Variants in ARHGAP15 observed in about 807,000 individuals in gnomAD.
ARHGAP15 encodes rho GTPase-activating protein 15.
ARHGAP15 carries 51 observed loss-of-function variants against 63.7 expected under a neutral mutation model. That is an observed-to-expected ratio of 0.80 (90% CI 0.64 to 1.01). The LOEUF is 1.01. ARHGAP15 is among the 50% of genes least tolerant of loss of function. The probability of loss-of-function intolerance (pLI) is 0.00; values close to 1 mark genes in which losing one functional copy is unlikely to be tolerated. For missense variants in ARHGAP15, 560 were observed against 564.6 expected, an observed-to-expected ratio of 0.99 and a Z score of 0.08; for synonymous variants, 191 against 193.8, an observed-to-expected ratio of 0.99 and a Z score of 0.12.
At chr2:143,526,537 A>T (rs1310562492) in intron 10 of ARHGAP15, among the ~76,000 whole-genome samples, 2 of 152,164 alleles carry the variant, frequency 1.3e-5, no homozygotes, top group Non-Finnish European at 2.9e-5. Context: ...ACTTACCAAG[A>T]TGCAATACTC....
At chr2:143,288,622 CT>C (rs35206838) in intron 6 of ARHGAP15, among the ~76,000 whole-genome samples, 69,779 of 144,850 alleles carry the variant, frequency 0.48, 16,174 homozygotes, top group Admixed American at 0.56. Flanking sequence ...CCTCGGGACA[CT>C]TTTTTTTTTT....
chr2:143,716,704 C>T lies in ARHGAP15; in HGVS notation c.1244+13180C>T, dbSNP rs1684827480. On this transcript the variant is annotated intron_variant, in intron 13 of 13. Transcript: ENST00000295095. ...CTCAAGTCACCTGATTTCCAGTCCACTAAACCACACTCTGCTTTCTTGCCA... is the reference window on the plus strand; with the variant it reads ...CTCAAGTCACCTGATTTCCAGTCCATTAAACCACACTCTGCTTTCTTGCCA... Among the ~76,000 whole-genome samples, 5 of 152,202 alleles carry T rather than the reference C, an allele frequency of 3.3e-5. No homozygotes were observed. In the South Asian group the frequency reaches 1.0e-3, roughly 31 times the overall value.
At chr2:143,140,134 G>T (rs1235734389) in intron 1 of ARHGAP15, among the ~76,000 whole-genome samples, 1 of 151,980 alleles carries the variant, frequency 6.6e-6, no homozygotes, top group African/African-American at 2.4e-5. Context: ...GATAATTTTG[G>T]TTTATTTCAA....
At chr2:143,452,751 T>C (rs2105137359) in intron 8 of ARHGAP15, among the ~76,000 whole-genome samples, 1 of 150,422 alleles carries the variant, frequency 6.6e-6, no homozygotes, top group East Asian at 2.0e-4. Flanking sequence ...CAACAAAAGA[T>C]GTAATTAGAC....
chr2:143,523,171 A>G (rs115623015), intron 10 of ARHGAP15, among the ~76,000 whole-genome samples: 9 of 152,242 alleles, frequency 5.9e-5, no homozygotes, highest in African/African-American at 2.2e-4. Flanking sequence ...TTGAGTACCT[A>G]CTTTGTGTCA....
intron 6 of ARHGAP15, among the ~76,000 whole-genome samples, chr2:143,340,527 CTTTT>C (rs5834944): frequency 6.7e-6 from 1 of 148,718 alleles, no homozygotes; most frequent in South Asian, 2.1e-4. Flanking sequence ...GATTTTTTCT[CTTTT>C]TTTTTTTAAT....
At chr2:143,615,125 A>G (rs370761447) in intron 11 of ARHGAP15, among the ~76,000 whole-genome samples, 4 of 152,300 alleles carry the variant, frequency 2.6e-5, no homozygotes, top group African/African-American at 7.2e-5. Context: ...TACTCCCATG[A>G]ATCCAACTAA....
At chr2:143,505,030 G>C (rs1261230858) in intron 9 of ARHGAP15, among the ~76,000 whole-genome samples, 1 of 152,206 alleles carries the variant, frequency 6.6e-6, no homozygotes, top group Non-Finnish European at 1.5e-5. Context: ...CACAAGGTGA[G>C]AGAGTAGCTT....
chr2:143,469,588 A>G (rs1459928657), intron 8 of ARHGAP15, among the ~76,000 whole-genome samples: 1 of 152,130 alleles, frequency 6.6e-6, no homozygotes, highest in Admixed American at 6.5e-5. Flanking sequence ...CCATCCAATA[A>G]GAATGTTACT....
At chr2:143,569,500 G>C (rs146929716) in intron 11 of ARHGAP15, among the ~76,000 whole-genome samples, 1 of 152,292 alleles carries the variant, frequency 6.6e-6, no homozygotes, top group East Asian at 1.9e-4. Flanking sequence ...GGGAGGCATG[G>C]AGAGATGTGG....
At chr2:143,130,675 C>T (rs764295429) in intron 1 of ARHGAP15, among the ~76,000 whole-genome samples, 1 of 152,134 alleles carries the variant, frequency 6.6e-6, no homozygotes, top group Non-Finnish European at 1.5e-5. Flanking sequence ...AATACTGAAG[C>T]TAGCTACTTG....
chr2:143,579,831 A>C (rs1298128744), intron 11 of ARHGAP15, among the ~76,000 whole-genome samples: 2 of 151,390 alleles, frequency 1.3e-5, no homozygotes, highest in Non-Finnish European at 3.0e-5. Context: ...CCCTGCACAG[A>C]GCTTTTTTTC....
At chr2:143,133,011 A>G (rs1425605455) in intron 1 of ARHGAP15, among the ~76,000 whole-genome samples, 1 of 152,248 alleles carries the variant, frequency 6.6e-6, no homozygotes, top group Non-Finnish European at 1.5e-5. Flanking sequence ...GTCAAGTACC[A>G]TAAGAAGATA....
At chr2:143,386,513 T>C (rs776674380) in intron 6 of ARHGAP15, among the ~76,000 whole-genome samples, 1 of 152,134 alleles carries the variant, frequency 6.6e-6, no homozygotes, top group African/African-American at 2.4e-5. Context: ...AAATAAATAC[T>C]AGGCTCTTCA....
intron 6 of ARHGAP15, among the ~76,000 whole-genome samples, chr2:143,370,368 G>A (rs989392802): frequency 1.3e-5 from 2 of 152,050 alleles, no homozygotes; most frequent in African/African-American, 4.8e-5. Flanking sequence ...GAAGGGGGGA[G>A]GGATAGCACT....
intron 2 of ARHGAP15, among the ~76,000 whole-genome samples, chr2:143,180,081 T>A (rs1691175184): frequency 6.6e-6 from 1 of 152,198 alleles, no homozygotes; most frequent in South Asian, 2.1e-4. Flanking sequence ...TTGAAATAAG[T>A]CCACAGTGAA....
At chr2:143,370,875 G>T (rs1197854083) in intron 6 of ARHGAP15, among the ~76,000 whole-genome samples, 1 of 152,050 alleles carries the variant, frequency 6.6e-6, no homozygotes, top group East Asian at 1.9e-4. Context: ...TTAATGTTTA[G>T]TTTTTTTCCA....
intron 1 of ARHGAP15, among the ~76,000 whole-genome samples, chr2:143,140,602 A>G (rs918751364): frequency 5.9e-5 from 9 of 152,148 alleles, no homozygotes; most frequent in Non-Finnish European, 1.0e-4. Context: ...AATTCTGAGA[A>G]GGGAACATAT....
At chr2:143,405,338 T>C (rs1688154324) in intron 6 of ARHGAP15, among the ~76,000 whole-genome samples, 1 of 151,862 alleles carries the variant, frequency 6.6e-6, no homozygotes. Context: ...ATTTTGCTTA[T>C]CATTTTGTGT....
Sources: allele counts gnomAD v4.1 joint callset (sites outside exome capture counted in the v4.1 genomes callset), GRCh38; gene constraint gnomAD v4.1.1; transcripts MANE v1.5; gene names NCBI Gene and HGNC (gene_info 2026-07-23, HGNC 2026-07-21).